KCNB2: variants seen among roughly 807,000 people sequenced by gnomAD.
KCNB2 encodes delayed rectifier potassium channel protein.
KCNB2 carries 15 observed loss-of-function variants against 61.5 expected under a neutral mutation model. The observed-to-expected ratio is 0.24, with a 90% CI of 0.16 to 0.38. The LOEUF (loss-of-function observed/expected upper bound fraction) is 0.38. KCNB2 is among the 10% of genes least tolerant of loss of function. The pLI, the probability that KCNB2 is intolerant of heterozygous loss-of-function variation, is 1.00. For synonymous variants in KCNB2, 457 were observed against 446.0 expected (o/e 1.02, Z -0.31); for missense variants, 828 against 1,125.2 (o/e 0.74, Z 3.78).
At chr8:72,766,627 A>C (rs932366833) in intron 2 of KCNB2, among the ~76,000 whole-genome samples, 5 of 152,172 alleles carry the variant, frequency 3.3e-5, no homozygotes, top group African/African-American at 1.2e-4. Context: ...GTGTATGCTT[A>C]TATGTGAATG....
chr8:72,762,963 G>A (rs1297729879), intron 2 of KCNB2, among the ~76,000 whole-genome samples: 4 of 145,002 alleles, frequency 2.8e-5, no homozygotes, highest in African/African-American at 1.0e-4. Context: ...CATTTTAATG[G>A]CAAAATAAGG....
At chr8:72,600,351 A>C (rs916049353) in intron 2 of KCNB2, among the ~76,000 whole-genome samples, 3 of 151,978 alleles carry the variant, frequency 2.0e-5, no homozygotes, top group African/African-American at 4.8e-5. Context: ...GGACAAAAAA[A>C]CAAACACTGC....
chr8:72,748,743 A>G (rs1268633107), intron 2 of KCNB2, among the ~76,000 whole-genome samples: 1 of 151,702 alleles, frequency 6.6e-6, no homozygotes, highest in East Asian at 1.9e-4. Flanking sequence ...TTTATTGACA[A>G]CAATATTATA....
Position 72,937,512 on chromosome 8 carries a change from T to C in KCNB2, c.2157T>C (p.Phe719=). 1.2e-6 allele frequency: 2 copies of C among 1,613,636 alleles called. No homozygotes were observed. The highest frequency in any genetic ancestry group is 8.5e-7 in the Non-Finnish European group (1 of 1,179,968). Residue 719 remains phenylalanine (F), a synonymous_variant, in exon 3 of 3, where the codon TTT becomes TTC. Transcript: ENST00000523207. ...PLKSRSLKVN[F]KENRGSAPQT... is the part of the protein sequence containing the mutation. ...AGTCCAGATCCCTCAAAGTGAACTT[T>C]AAGGAAAATAGAGGCAGTGCACCAC...
rs189151036 is a variant in KCNB2 at position 72,793,465 on chromosome 8, T to G, written c.580-142470T>G. Among the ~76,000 whole-genome samples, 4 of 152,234 alleles carry G rather than the reference T, an allele frequency of 2.6e-5. No individual in the cohort carries two copies. In the South Asian group the frequency reaches 8.3e-4, roughly 32 times the overall value. ...TCCCTAAGCAGGAATGGGCTTAGTG[T>G]GCTAAAATACCACGAAGGAAAGCAA... On this transcript the variant is annotated intron_variant, in intron 2 of 2. Coordinates refer to ENST00000523207, the MANE Select transcript of KCNB2 (RefSeq NM_004770.3).
intron 2 of KCNB2, among the ~76,000 whole-genome samples, chr8:72,707,857 C>T (rs1337150990): frequency 2.6e-5 from 4 of 152,074 alleles, no homozygotes; most frequent in East Asian, 1.9e-4. Flanking sequence ...AGAACACATT[C>T]GCATTAGGGT....
intron 2 of KCNB2, among the ~76,000 whole-genome samples, chr8:72,610,266 G>A (rs922777549): frequency 6.6e-6 from 1 of 152,122 alleles, no homozygotes; most frequent in Admixed American, 6.6e-5. Context: ...TTTAGCATTC[G>A]AGTGTTCTTG....
chr8:72,749,014 G>A (rs900023904), intron 2 of KCNB2, among the ~76,000 whole-genome samples: 5 of 152,026 alleles, frequency 3.3e-5, no homozygotes, highest in African/African-American at 9.7e-5. Flanking sequence ...ACCCTTCCTC[G>A]TAATGGTTTT....
chr8:72,817,403 A>G (rs1265091120), intron 2 of KCNB2, among the ~76,000 whole-genome samples: 2 of 152,316 alleles, frequency 1.3e-5, no homozygotes, highest in Admixed American at 6.5e-5. Context: ...AGAAAGAGAC[A>G]TAGCAAAACA....
chr8:72,865,167 A>G (rs1231527394), intron 2 of KCNB2, among the ~76,000 whole-genome samples: 3 of 152,134 alleles, frequency 2.0e-5, no homozygotes, highest in African/African-American at 7.2e-5. Context: ...AGTTGTAGCC[A>G]TAAATTAAGC....
intron 2 of KCNB2, among the ~76,000 whole-genome samples, chr8:72,929,744 A>C (rs1172193242): frequency 6.6e-6 from 1 of 152,166 alleles, no homozygotes; most frequent in East Asian, 1.9e-4. Context: ...TCACGCAGTT[A>C]ATTGTTTGGA....
intron 2 of KCNB2, among the ~76,000 whole-genome samples, chr8:72,735,728 G>A (rs1484483707): frequency 6.6e-6 from 1 of 152,176 alleles, no homozygotes; most frequent in Non-Finnish European, 1.5e-5. Flanking sequence ...GGCACAGTTT[G>A]TGTAGGAATA....
rs192756860 is a variant in KCNB2 at position 72,894,441 on chromosome 8, C to T, written c.580-41494C>T. 2.4e-3 allele frequency among the ~76,000 whole-genome samples: 367 copies of T among 152,050 alleles called. 1 individual carries two copies. The highest frequency in any genetic ancestry group is 2.0e-3 in the Non-Finnish European group (137 of 67,992). On this transcript the variant is annotated intron_variant, in intron 2 of 2. Transcript: ENST00000523207. ...TTGGAGGGTTTTAAGATGAGGGATGCGATTCAATTTATATATTCTTTAAGT... is the reference window on the plus strand; with the variant it reads ...TTGGAGGGTTTTAAGATGAGGGATGTGATTCAATTTATATATTCTTTAAGT...
At chr8:72,808,404 T>C (rs927970670) in intron 2 of KCNB2, among the ~76,000 whole-genome samples, 35 of 152,200 alleles carry the variant, frequency 2.3e-4, no homozygotes, top group Non-Finnish European at 1.2e-4. Flanking sequence ...ATCTGTTTCA[T>C]GTCATAGTTT....
chr8:72,898,789 G>T (rs1034755095), intron 2 of KCNB2, among the ~76,000 whole-genome samples: 1 of 152,106 alleles, frequency 6.6e-6, no homozygotes, highest in Admixed American at 6.6e-5. Context: ...TACCCAATAG[G>T]TAGTTTCTCA....
chr8:72,654,899 C>G (rs1806266243), intron 2 of KCNB2, among the ~76,000 whole-genome samples: 1 of 152,096 alleles, frequency 6.6e-6, no homozygotes, highest in South Asian at 2.1e-4. Context: ...TTGGCGATTT[C>G]TCAAAGAACT....
At chr8:72,659,706 T>C (rs1806348652) in intron 2 of KCNB2, among the ~76,000 whole-genome samples, 1 of 152,186 alleles carries the variant, frequency 6.6e-6, no homozygotes. Flanking sequence ...ACCACCCTGA[T>C]CAGTCAGTAG....
Position 72,938,252 on chromosome 8 carries a change from T to C in KCNB2, c.*161T>C, listed in dbSNP as rs964007790. 5 of 606,098 alleles carry C rather than the reference T, an allele frequency of 8.2e-6. No individual in the cohort carries two copies. The highest frequency in any genetic ancestry group is 2.8e-5 in the East Asian group (1 of 35,910). The allele number at this position is 606,098 out of a possible 1,614,324, so 37.5% of individuals were successfully genotyped here. ...CATGGCATGAACAGTTTAGCTTAAG[T>C]ACTGTTTAAATAATGAGTCAAGACT... is the stretch of plus-strand genomic sequence containing the variant. On this transcript the variant is annotated 3_prime_UTR_variant, in exon 3 of 3. Transcript: ENST00000523207.
rs201528966 is a variant in KCNB2 at position 72,713,494 on chromosome 8, C to T, written c.579+145181C>T. On this transcript the variant is annotated intron_variant, in intron 2 of 2. Coordinates refer to ENST00000523207, the MANE Select transcript of KCNB2 (RefSeq NM_004770.3). ...AGAAACGATCAGGCAGCAGCATTTG[C>T]GGTTCACCAATATCCACTGTTCTGC... 3.0e-4 allele frequency among the ~76,000 whole-genome samples: 46 copies of T among 152,282 alleles called. No individual in the cohort carries two copies. In the East Asian group the frequency reaches 3.3e-3, roughly 11 times the overall value.
Sources: gnomAD v4.1 joint callset for allele counts (sites outside exome capture counted in the v4.1 genomes callset) on GRCh38, gnomAD v4.1.1 for gene constraint, MANE v1.5 for transcripts, NCBI Gene and HGNC (gene_info 2026-07-23, HGNC 2026-07-21) for gene names.